The following BZW2 variants were observed in gnomAD, a reference collection of about 807,000 sequenced individuals.
The protein encoded by BZW2 is eIF5-mimic protein 1.
BZW2 carries 23 observed loss-of-function variants against 53.2 expected under a neutral mutation model. That is an observed-to-expected ratio of 0.43 (90% CI 0.31 to 0.61). The LOEUF (loss-of-function observed/expected upper bound fraction) is 0.61. BZW2 is among the 20% of genes least tolerant of loss of function. The pLI is 0.09. For synonymous variants in BZW2, 227 were observed against 186.4 expected (o/e 1.22, Z -1.77); for missense variants, 409 against 503.1 (o/e 0.81, Z 1.79).
chr7:16,702,422 C>T (rs1328689584), intron 10 of BZW2, among the ~76,000 whole-genome samples: 1 of 152,050 alleles, frequency 6.6e-6, no homozygotes, highest in African/African-American at 2.4e-5. Context: ...CACATTGCGC[C>T]GTTAATATGT....
chr7:16,674,139 A>C (rs148993394), intron 2 of BZW2, among the ~76,000 whole-genome samples: 2 of 152,190 alleles, frequency 1.3e-5, no homozygotes, highest in African/African-American at 4.8e-5. Flanking sequence ...ACCTCTGGTG[A>C]TCCACCTGCC....
At chr7:16,676,318 G>A (rs1180442324) in intron 3 of BZW2, among the ~76,000 whole-genome samples, 6 of 152,154 alleles carry the variant, frequency 3.9e-5, no homozygotes, top group African/African-American at 1.4e-4. Context: ...GGAAGCCAAG[G>A]CAGGCAGATC....
chr7:16,689,149 C>T (rs1246517316), intron 6 of BZW2, among the ~76,000 whole-genome samples: 1 of 152,024 alleles, frequency 6.6e-6, no homozygotes, highest in Non-Finnish European at 1.5e-5. Flanking sequence ...TCACTTGAAC[C>T]CAGGAGGTGA....
At chr7:16,658,303 A>C (rs1782168337) in intron 1 of BZW2, among the ~76,000 whole-genome samples, 1 of 152,346 alleles carries the variant, frequency 6.6e-6, no homozygotes, top group African/African-American at 2.4e-5. Flanking sequence ...ACTGAGATAA[A>C]GTAAGTGACA....
chr7:16,706,148 A>T lies in BZW2; in HGVS notation c.*60A>T. 1 of 1,568,330 alleles carries T rather than the reference A, an allele frequency of 6.4e-7. No homozygotes were observed. The highest frequency in any genetic ancestry group is 8.7e-7 in the Non-Finnish European group (1 of 1,146,948). ...CACCACTTTTTGATTGGGAATGCTG[A>T]ACCATTTGAGAAGAGAAACTTGGCT... On this transcript the variant is annotated 3_prime_UTR_variant, in exon 12 of 12. Coordinates refer to ENST00000258761, the MANE Select transcript of BZW2 (RefSeq NM_014038.3).
chr7:16,680,210 T>A (rs573480667), intron 3 of BZW2, among the ~76,000 whole-genome samples: 1 of 152,252 alleles, frequency 6.6e-6, no homozygotes, highest in South Asian at 2.1e-4. Flanking sequence ...CTGTAGTTGG[T>A]GATCTAGGTA....
At chr7:16,684,304 G>A (rs1262716446) in intron 5 of BZW2, among the ~76,000 whole-genome samples, 1 of 152,200 alleles carries the variant, frequency 6.6e-6, no homozygotes, top group South Asian at 2.1e-4. Flanking sequence ...TGGAGATGGA[G>A]ACTGTTGTAG....
chr7:16,700,838 T>TAA lies in BZW2; in HGVS notation c.1108+2655_1108+2656dup, dbSNP rs1355860470. The TAA allele has an allele frequency of 7.2e-5, 11 of 152,344 alleles. No homozygotes were observed. In the East Asian group the frequency reaches 2.1e-3, roughly 29 times the overall value. The allele number at this position is 152,344 out of a possible 1,614,324, so 9.4% of individuals were successfully genotyped here. On this transcript the variant is annotated intron_variant, in intron 10 of 11. Coordinates refer to ENST00000258761, the MANE Select transcript of BZW2 (RefSeq NM_014038.3). ...GTTTGTCATAAGGAACGTAGTGCTC[T>TAA]AAAACAAGTTTTTAAAATGTAATGG...
At chr7:16,663,140 C>T (rs954559344) in intron 1 of BZW2, among the ~76,000 whole-genome samples, 2 of 152,142 alleles carry the variant, frequency 1.3e-5, no homozygotes, top group African/African-American at 2.4e-5. Context: ...TTTCAACATC[C>T]ATCAAATGAA....
intron 5 of BZW2, 55 bp from the exon 6 acceptor site, chr7:16,685,850 G>A: frequency 6.8e-7 from 1 of 1,473,244 alleles, no homozygotes; most frequent in Non-Finnish European, 8.9e-7. Context: ...CATAGACATG[G>A]TTCCTTTTTT....
chr7:16,656,514 A>G (rs1345838020), intron 1 of BZW2, among the ~76,000 whole-genome samples: 1 of 151,324 alleles, frequency 6.6e-6, no homozygotes, highest in African/African-American at 2.4e-5. Flanking sequence ...GAGGCTATGT[A>G]AGTATCCTGT....
chr7:16,666,679 T>G (rs1175142660), intron 2 of BZW2, among the ~76,000 whole-genome samples: 1 of 152,218 alleles, frequency 6.6e-6, no homozygotes, highest in East Asian at 2.0e-4. Flanking sequence ...TAGTGGCTTA[T>G]TTATTTTTGA....
Position 16,685,894 on chromosome 7 carries a change from T to TTTTTTTTG in BZW2, c.406-10_406-9insTTTTTTGT. Reference sequence around the variant, plus strand: ...TCTTTTTCTTTTTTTTTTTTTTTTTTTGACCCACAGCTTCTCCTCTTCCTT... The same window carrying TTTTTTTTG: ...TCTTTTTCTTTTTTTTTTTTTTTTTTTTTTTTTGTGACCCACAGCTTCTCCTCTTCCTT... On this transcript the variant is annotated splice_polypyrimidine_tract_variant and intron_variant, in intron 5 of 11. Coordinates refer to ENST00000258761, the MANE Select transcript of BZW2 (RefSeq NM_014038.3). 1 of 1,438,604 alleles carries TTTTTTTTG rather than the reference T, an allele frequency of 7.0e-7. No homozygotes were observed. Among genetic ancestry groups the TTTTTTTTG allele is most frequent in the South Asian group, 1.5e-5 (1 of 68,950 alleles). 89.1% of individuals were successfully genotyped at this position (1,438,604 alleles called of 1,614,324 possible). A position where few individuals can be genotyped will look rare whatever the true frequency, so the allele number is the denominator to read the frequency against.
At chr7:16,692,868 G>A (rs531556620) in intron 7 of BZW2, among the ~76,000 whole-genome samples, 3 of 152,306 alleles carry the variant, frequency 2.0e-5, no homozygotes, top group South Asian at 2.1e-4. Context: ...TGACATTGGT[G>A]TAAAGACTTG....
intron 7 of BZW2, among the ~76,000 whole-genome samples, chr7:16,690,393 C>A (rs573055216): frequency 1.3e-5 from 2 of 151,836 alleles, no homozygotes. Flanking sequence ...TTAATAGAGA[C>A]GGGGTTTCAC....
intron 2 of BZW2, 69 bp from the exon 3 acceptor site, chr7:16,674,343 A>C (rs1782702474): frequency 8.3e-7 from 1 of 1,211,124 alleles, no homozygotes; most frequent in Admixed American, 2.5e-5. Flanking sequence ...ATAGAATTAA[A>C]GTTTTGATTG....
chr7:16,685,771 G>T, intron 5 of BZW2, 134 bp from the exon 6 acceptor site: 3 of 1,121,922 alleles, frequency 2.7e-6, no homozygotes, highest in Non-Finnish European at 3.6e-6. Context: ...CTTTGCATAT[G>T]ACCTTCTGTT....
At chr7:16,665,799 A>G (rs932136593) in intron 2 of BZW2, among the ~76,000 whole-genome samples, 1 of 152,212 alleles carries the variant, frequency 6.6e-6, no homozygotes, top group Non-Finnish European at 1.5e-5. Context: ...TGACATTAGC[A>G]TTGTATTTGG....
intron 10 of BZW2, 63 bp downstream of exon 10, chr7:16,698,249 C>G (rs1783563593): frequency 1.3e-6 from 2 of 1,596,476 alleles, no homozygotes; most frequent in Non-Finnish European, 1.7e-6. Flanking sequence ...AGAGGCAGAG[C>G]AGGCAATGAG....
Sources: allele counts gnomAD v4.1 joint callset (sites outside exome capture counted in the v4.1 genomes callset), GRCh38; gene constraint gnomAD v4.1.1; transcripts MANE v1.5; gene names NCBI Gene and HGNC (gene_info 2026-07-23, HGNC 2026-07-21).